ARHGAP26: variants seen among roughly 807,000 people sequenced by gnomAD.
ARHGAP26 encodes the protein Rho GTPase activating protein 26, also known as rho GTPase-activating protein 26.
A neutral mutation model predicts 104.8 loss-of-function variants in ARHGAP26; 38 were observed. The ratio of observed to expected loss-of-function variants is 0.36; its 90% CI spans 0.28 to 0.48. The LOEUF (loss-of-function observed/expected upper bound fraction) is 0.48, where lower values mean the gene tolerates loss of function less well. Among genes scored for constraint, ARHGAP26 ranks in the 20% least tolerant of loss-of-function variants. The pLI is 0.99. For synonymous variants in ARHGAP26, 341 were observed against 340.0 expected (o/e 1.00, Z -0.03); for missense variants, 704 against 947.9 (o/e 0.74, Z 3.38).
intron 11 of ARHGAP26, chr5:142,969,341 G>C (rs1415671072): frequency 6.6e-6 from 1 of 152,182 alleles, no homozygotes; most frequent in Non-Finnish European, 1.5e-5. Flanking sequence ...ATTTTGTGAT[G>C]AGACCTTTAT....
At chr5:142,978,747 CT>C (rs11375975) in intron 11 of ARHGAP26, among the ~76,000 whole-genome samples, 29,423 of 124,440 alleles carry the variant, frequency 0.24, 2,105 homozygotes, top group East Asian at 0.62. Flanking sequence ...AGGAGTTTGC[CT>C]TTTTTTTTTT....
chr5:142,864,489 G>T (rs960616252), intron 1 of ARHGAP26, among the ~76,000 whole-genome samples: 6 of 152,226 alleles, frequency 3.9e-5, no homozygotes, highest in African/African-American at 9.6e-5. Flanking sequence ...TTGTAAATTT[G>T]TAGAAGCATT....
At chr5:142,772,327 C>T (rs1188948414) in intron 1 of ARHGAP26, among the ~76,000 whole-genome samples, 2 of 152,216 alleles carry the variant, frequency 1.3e-5, no homozygotes, top group African/African-American at 2.4e-5. Context: ...TATGAACAGA[C>T]CCTTCCTTTG....
chr5:143,040,843 A>G (rs1431319743), intron 13 of ARHGAP26, among the ~76,000 whole-genome samples: 1 of 152,240 alleles, frequency 6.6e-6, no homozygotes, highest in Non-Finnish European at 1.5e-5. Context: ...GTGGTCAATG[A>G]TGCAATCAGA....
intron 10 of ARHGAP26, among the ~76,000 whole-genome samples, chr5:142,918,758 C>G (rs1488956721): frequency 2.0e-5 from 3 of 152,056 alleles, no homozygotes; most frequent in African/African-American, 7.3e-5. Context: ...CTCTGCTTTC[C>G]CTCAAAAAGA....
chr5:143,186,413 C>CA (rs1488575950), intron 20 of ARHGAP26, among the ~76,000 whole-genome samples: 14 of 152,324 alleles, frequency 9.2e-5, no homozygotes, highest in Non-Finnish European at 1.3e-4. Flanking sequence ...CCTAGGGACT[C>CA]AGACTCCTCA....
chr5:142,836,744 C>T (rs1769655343), intron 1 of ARHGAP26, among the ~76,000 whole-genome samples: 1 of 152,132 alleles, frequency 6.6e-6, no homozygotes, highest in Admixed American at 6.5e-5. Flanking sequence ...GTTGTTATTG[C>T]CACCCTTCCC....
At chr5:142,963,203 T>TGTGTGTGTGTGC (rs1770694769) in intron 11 of ARHGAP26, among the ~76,000 whole-genome samples, 1 of 107,354 alleles carries the variant, frequency 9.3e-6, no homozygotes, top group African/African-American at 4.8e-5. Flanking sequence ...TATATATGTG[T>TGTGTGTGTGTGC]GTGTGTGTGT....
chr5:143,157,191 T>C (rs1036104249), intron 20 of ARHGAP26, among the ~76,000 whole-genome samples: 21 of 130,584 alleles, frequency 1.6e-4, no homozygotes, highest in Non-Finnish European at 2.8e-4. Context: ...TTTTTTTTTT[T>C]CTCGAGACAG....
intron 22 of ARHGAP26, chr5:143,216,288 T>A (rs1401915868): frequency 4.2e-6 from 2 of 471,162 alleles, no homozygotes; most frequent in Admixed American, 4.7e-5. Flanking sequence ...CTGACACATC[T>A]TCTCACATCT....
At chr5:142,929,914 G>T (rs529240583) in intron 10 of ARHGAP26, among the ~76,000 whole-genome samples, 1 of 152,194 alleles carries the variant, frequency 6.6e-6, no homozygotes, top group Non-Finnish European at 1.5e-5. Context: ...TGCTCTCTAG[G>T]GCAGGGGGAA....
intron 17 of ARHGAP26, among the ~76,000 whole-genome samples, chr5:143,073,519 G>A (rs564040800): frequency 1.3e-5 from 2 of 152,272 alleles, no homozygotes; most frequent in African/African-American, 4.8e-5. Context: ...TATCTATGAG[G>A]CTAATTATTT....
chr5:142,942,107 G>A (rs1315653647), intron 11 of ARHGAP26, among the ~76,000 whole-genome samples: 1 of 152,124 alleles, frequency 6.6e-6, no homozygotes, highest in South Asian at 2.1e-4. Context: ...AAAACTAAAG[G>A]GAAGGGTGGA....
chr5:142,819,227 C>T (rs1047688475), intron 1 of ARHGAP26, among the ~76,000 whole-genome samples: 1 of 152,128 alleles, frequency 6.6e-6, no homozygotes, highest in Non-Finnish European at 1.5e-5. Flanking sequence ...CGTCAATTAA[C>T]AAGTTCCTCT....
intron 20 of ARHGAP26, among the ~76,000 whole-genome samples, chr5:143,206,899 TGCGTGGGC>T (rs1486138983): frequency 6.6e-6 from 1 of 152,274 alleles, no homozygotes; most frequent in Non-Finnish European, 1.5e-5. Context: ...GGAACTCATG[TGCGTGGGC>T]TCAGGGCATT....
chr5:143,010,167 T>A (rs1778544056), intron 11 of ARHGAP26, among the ~76,000 whole-genome samples: 1 of 152,206 alleles, frequency 6.6e-6, no homozygotes, highest in South Asian at 2.1e-4. Flanking sequence ...TTTGCTTCTG[T>A]CAGTATAGAA....
intron 20 of ARHGAP26, among the ~76,000 whole-genome samples, chr5:143,175,359 G>A (rs745635192): frequency 6.6e-6 from 1 of 152,166 alleles, no homozygotes; most frequent in Admixed American, 6.5e-5. Context: ...GTGGCACTCT[G>A]TGGTGACAGT....
intron 1 of ARHGAP26, among the ~76,000 whole-genome samples, chr5:142,779,425 GT>G (rs1300330915): frequency 1.2e-5 from 1 of 82,008 alleles, no homozygotes; most frequent in African/African-American, 4.1e-4. Context: ...GGTTAGGGTG[GT>G]GTGTGTGTGT....
rs1776896879 is a variant in ARHGAP26 at position 142,999,491 on chromosome 5, A to T, written c.1108-14589A>T. Among the ~76,000 whole-genome samples, 3 of 152,154 alleles carry T rather than the reference A, an allele frequency of 2.0e-5. No homozygotes were observed. The South Asian group carries it at 6.2e-4, about 32-fold the overall frequency. On this transcript the variant is annotated intron_variant, in intron 11 of 22. Transcript: ENST00000645722. ...GCGGGTTAAGGCTACTTTTTCCTAA[A>T]TTTGTATTTAAAACCAGTGAGTTTC...
Sources: gnomAD v4.1 joint callset for allele counts (sites outside exome capture counted in the v4.1 genomes callset) on GRCh38, gnomAD v4.1.1 for gene constraint, MANE v1.5 for transcripts, NCBI Gene and HGNC (gene_info 2026-07-23, HGNC 2026-07-21) for gene names.